Variants in NALF1 observed in about 807,000 individuals in gnomAD.
NALF1 encodes the protein family with sequence similarity 155 member A.
In NALF1, 3 loss-of-function variants were observed where a neutral mutation model predicts 48.4. That is an observed-to-expected ratio of 0.06 (90% confidence interval 0.03 to 0.16). NALF1 has a LOEUF of 0.16. NALF1 is among the 10% of genes least tolerant of loss of function. The probability of loss-of-function intolerance (pLI) is 1.00; values close to 1 mark genes in which losing one functional copy is unlikely to be tolerated. For synonymous variants in NALF1, 262 were observed against 245.7 expected (o/e 1.07, Z -0.62); for missense variants, 526 against 571.5 (o/e 0.92, Z 0.81).
intron 1 of NALF1, among the ~76,000 whole-genome samples, chr13:107,842,936 A>G (rs1271126898): frequency 6.6e-6 from 1 of 152,040 alleles, no homozygotes. Flanking sequence ...CAAGAAACTG[A>G]TGTGTTCTCC....
chr13:107,462,662 T>C (rs974165367), intron 1 of NALF1, among the ~76,000 whole-genome samples: 2 of 152,150 alleles, frequency 1.3e-5, no homozygotes, highest in Admixed American at 6.5e-5. Context: ...CTCTGCCCTA[T>C]GAGAGCAGCA....
intron 1 of NALF1, among the ~76,000 whole-genome samples, chr13:107,493,744 C>G (rs1239089515): frequency 2.0e-5 from 3 of 152,000 alleles, no homozygotes; most frequent in Non-Finnish European, 4.4e-5. Flanking sequence ...CAAAAAATAG[C>G]AATGCGTGGT....
At chr13:107,822,314 A>ATT (rs5806697) in intron 1 of NALF1, among the ~76,000 whole-genome samples, 9,723 of 146,682 alleles carry the variant, frequency 0.066, 1,076 homozygotes, top group African/African-American at 0.23. Context: ...ATGCAAAAGT[A>ATT]TTTTTTTTTT....
chr13:107,643,624 T>C (rs1186034207), intron 1 of NALF1, among the ~76,000 whole-genome samples: 1 of 151,964 alleles, frequency 6.6e-6, no homozygotes, highest in East Asian at 1.9e-4. Flanking sequence ...AGGGGGAGGA[T>C]TATTAGAAAA....
chr13:107,504,768 T>A (rs1279788691), intron 1 of NALF1, among the ~76,000 whole-genome samples: 1 of 152,220 alleles, frequency 6.6e-6, no homozygotes, highest in East Asian at 1.9e-4. Context: ...TTGCCATCAT[T>A]GCATCTGCTG....
In NALF1 at chr13:107,352,478, C is replaced by T. The variant is rs146257724; in HGVS notation, c.916-141723G>A. ...ACACCATTTCTCACAGTTCTGGAGG[C>T]TGAAGTCCAAAATCATGTTGCCAAT... On this transcript the variant is annotated intron_variant, in intron 1 of 2. Coordinates refer to ENST00000375915, the MANE Select transcript of NALF1 (RefSeq NM_001080396.3). Among the ~76,000 whole-genome samples the T allele has an allele frequency of 4.1e-4, 63 of 152,252 alleles. 1 individual carries two copies. Among genetic ancestry groups the T allele is most frequent in the African/African-American group, 1.5e-3 (63 of 41,548 alleles).
chr13:107,575,039 C>T (rs959716361), intron 1 of NALF1, among the ~76,000 whole-genome samples: 9 of 151,950 alleles, frequency 5.9e-5, no homozygotes, highest in Non-Finnish European at 4.4e-5. Context: ...GCTTAGGAAG[C>T]GAGTCTAACT....
chr13:107,854,982 G>C (rs1268201915), intron 1 of NALF1, among the ~76,000 whole-genome samples: 3 of 152,136 alleles, frequency 2.0e-5, no homozygotes, highest in Admixed American at 6.6e-5. Context: ...CAATTACTGA[G>C]ATTAGGCAGA....
At chr13:107,410,394 T>C (rs1883969593) in intron 1 of NALF1, among the ~76,000 whole-genome samples, 1 of 152,132 alleles carries the variant, frequency 6.6e-6, no homozygotes, top group Non-Finnish European at 1.5e-5. Flanking sequence ...CCATGTTCTA[T>C]CAAGGATTGG....
chr13:107,650,288 G>T (rs770020589), intron 1 of NALF1, among the ~76,000 whole-genome samples: 2 of 151,726 alleles, frequency 1.3e-5, no homozygotes, highest in Non-Finnish European at 2.9e-5. Context: ...TGAAGGGGGC[G>T]AGCGATGAGG....
intron 1 of NALF1, among the ~76,000 whole-genome samples, chr13:107,618,283 C>T (rs1444055775): frequency 6.6e-6 from 1 of 152,078 alleles, no homozygotes; most frequent in Non-Finnish European, 1.5e-5. Flanking sequence ...AGGAACTGTT[C>T]AAGGCAGGAA....
intron 1 of NALF1, among the ~76,000 whole-genome samples, chr13:107,826,293 G>A (rs1323926602): frequency 6.7e-6 from 1 of 148,742 alleles, no homozygotes; most frequent in Non-Finnish European, 1.5e-5. Context: ...TTGTGTGTGT[G>A]TGCATGTGCA....
At chr13:107,178,589 C>G (rs1878989028) in intron 2 of NALF1, among the ~76,000 whole-genome samples, 1 of 152,160 alleles carries the variant, frequency 6.6e-6, no homozygotes, top group Admixed American at 6.5e-5. Context: ...AAAGGGAACA[C>G]TGTTTGTGGG....
intron 1 of NALF1, among the ~76,000 whole-genome samples, chr13:107,347,805 C>A (rs1429664737): frequency 6.6e-6 from 1 of 152,208 alleles, no homozygotes; most frequent in Non-Finnish European, 1.5e-5. Context: ...TTAACAATGT[C>A]CACTGAGCAT....
chr13:107,508,560 C>T (rs1465203167), intron 1 of NALF1, among the ~76,000 whole-genome samples: 1 of 152,096 alleles, frequency 6.6e-6, no homozygotes, highest in Admixed American at 6.6e-5. Flanking sequence ...TTAAACCTTT[C>T]ATTTTCATCC....
chr13:107,839,836 G>A (rs1301097284), intron 1 of NALF1, among the ~76,000 whole-genome samples: 4 of 152,154 alleles, frequency 2.6e-5, no homozygotes, highest in Non-Finnish European at 5.9e-5. Context: ...ACTACTCTGT[G>A]AATAATTTCA....
In NALF1 at chr13:107,260,332, G is replaced by A. The variant is rs184330663; in HGVS notation, c.916-49577C>T. ...ACTCCAGAAGACTGAGGTTTAAAAC[G>A]GTTGTCTTCTTTTGATGAGCTGCCA... On this transcript the variant is annotated intron_variant, in intron 1 of 2. Transcript: ENST00000375915. 1.8e-3 allele frequency among the ~76,000 whole-genome samples: 267 copies of A among 152,254 alleles called. 1 individual carries two copies. The highest frequency in any genetic ancestry group is 6.0e-3 in the African/African-American group (250 of 41,550).
chr13:107,566,344 G>C (rs1877810092), intron 1 of NALF1, among the ~76,000 whole-genome samples: 1 of 152,228 alleles, frequency 6.6e-6, no homozygotes. Context: ...TACCATAACA[G>C]AGAGGTGAGG....
At chr13:107,849,727 AGAACCTGCCACTGTGTTTC>A (rs1566505628) in intron 1 of NALF1, among the ~76,000 whole-genome samples, 1 of 152,216 alleles carries the variant, frequency 6.6e-6, no homozygotes, top group Non-Finnish European at 1.5e-5. Flanking sequence ...GGAGTGTCAA[AGAACCTGCCACTGTGTTTC>A]GTAACCACCC....
Sources: gnomAD v4.1 joint callset for allele counts (sites outside exome capture counted in the v4.1 genomes callset) on GRCh38, gnomAD v4.1.1 for gene constraint, MANE v1.5 for transcripts, NCBI Gene and HGNC (gene_info 2026-07-23, HGNC 2026-07-21) for gene names.